The following SLC44A1 variants were observed in gnomAD, a reference collection of about 807,000 sequenced individuals.
SLC44A1 encodes the protein solute carrier family 44 member 1.
In SLC44A1, 26 loss-of-function variants were observed where a neutral mutation model predicts 79.3. The observed-to-expected ratio is 0.33, with a 90% CI of 0.24 to 0.46. The LOEUF is 0.46. Among genes scored for constraint, SLC44A1 ranks in the 20% least tolerant of loss-of-function variants. The pLI, the probability that SLC44A1 is intolerant of heterozygous loss-of-function variation, is 1.00. For missense variants in SLC44A1, 688 were observed against 798.1 expected, an observed-to-expected ratio of 0.86 and a Z score of 1.66; for synonymous variants, 263 against 286.2, an observed-to-expected ratio of 0.92 and a Z score of 0.82.
At chr9:105,334,238 C>T (rs1826840546) in intron 3 of SLC44A1, among the ~76,000 whole-genome samples, 1 of 149,900 alleles carries the variant, frequency 6.7e-6, no homozygotes, top group Admixed American at 6.7e-5. Flanking sequence ...GTCACACACA[C>T]ATTTTTTTTT....
intron 1 of SLC44A1, among the ~76,000 whole-genome samples, chr9:105,273,724 C>T (rs1348318711): frequency 6.6e-6 from 1 of 151,956 alleles, no homozygotes; most frequent in Non-Finnish European, 1.5e-5. Flanking sequence ...CAGTTCATAC[C>T]ATTGTACATA....
chr9:105,312,978 G>T (rs567409478), intron 3 of SLC44A1, among the ~76,000 whole-genome samples: 1 of 152,218 alleles, frequency 6.6e-6, no homozygotes, highest in Admixed American at 6.5e-5. Context: ...AGCCCACTCA[G>T]CCCTGCCCTT....
intron 10 of SLC44A1, among the ~76,000 whole-genome samples, 172 bp from the exon 11 acceptor site, chr9:105,365,311 A>G (rs1827905066): frequency 6.6e-6 from 1 of 152,188 alleles, no homozygotes; most frequent in Non-Finnish European, 1.5e-5. Context: ...TTTATATAGC[A>G]TGTCTGTAGC....
At chr9:105,336,776 G>A (rs1187830172) in intron 4 of SLC44A1, among the ~76,000 whole-genome samples, 3 of 152,194 alleles carry the variant, frequency 2.0e-5, no homozygotes, top group South Asian at 2.1e-4. Flanking sequence ...CAGCCTCCCA[G>A]GCTGGCAGTA....
At chr9:105,431,172 A>G (rs1240900944) in intron 15 of SLC44A1, among the ~76,000 whole-genome samples, 3 of 152,170 alleles carry the variant, frequency 2.0e-5, no homozygotes, top group Admixed American at 1.3e-4. Flanking sequence ...TGAGAGTTGT[A>G]TAGTTTTAGC....
chr9:105,394,989 A>G lies in SLC44A1; in HGVS notation c.*5933A>G. On this transcript the variant is annotated 3_prime_UTR_variant, in exon 16 of 16. Coordinates refer to ENST00000374720, the MANE Select transcript of SLC44A1 (RefSeq NM_080546.5). ...ACTATTAGGTAAGGGTGCTGCATCT[A>G]CATGGAAGGCTCCCTGGGCCCTTGA... The G allele has an allele frequency of 1.0e-6, 1 of 985,460 alleles. No individual in the cohort carries two copies. Among genetic ancestry groups the G allele is most frequent in the Non-Finnish European group, 1.2e-6 (1 of 829,960 alleles). The allele number at this position is 985,460 out of a possible 1,614,324, so 61.0% of individuals were successfully genotyped here.
intron 1 of SLC44A1, among the ~76,000 whole-genome samples, chr9:105,292,251 T>C (rs554698072): frequency 5.3e-5 from 8 of 152,326 alleles, no homozygotes; most frequent in Admixed American, 2.0e-4. Context: ...AGATAGTACT[T>C]AACTCATTGT....
At position 105,362,982 on chromosome 9, in the gene SLC44A1, G is replaced by A. The variant is rs1300489312; in HGVS notation, c.1062G>A (p.Met354Ile). The change falls in exon 9 of 16, where the codon ATG (methionine) becomes ATA (isoleucine). Residue 354 changes from methionine (M) to isoleucine (I), a missense_variant. Met to Ile is a conservative substitution (Grantham distance 10). Coordinates refer to ENST00000374720, the MANE Select transcript of SLC44A1 (RefSeq NM_080546.5). ...TCTTGTTTTGGGTGTACTGGATCAT[G>A]ACACTTCTTTTTCTTGGCACTACCG... ...ALVLFWVYWI[M>I]TLLFLGTTGS... 6 of 1,608,980 alleles carry A rather than the reference G, an allele frequency of 3.7e-6. No individual in the cohort carries two copies. The highest frequency in any genetic ancestry group is 5.1e-6 in the Non-Finnish European group (6 of 1,178,500).
chr9:105,365,735 G>A (rs907937499), intron 11 of SLC44A1, 96 bp downstream of exon 11: 1 of 1,266,188 alleles, frequency 7.9e-7, no homozygotes, highest in African/African-American at 1.5e-5. Context: ...ATACAAAGTT[G>A]TGTTTTCTTC....
At chr9:105,342,988 AT>A (rs1335320739) in intron 4 of SLC44A1, among the ~76,000 whole-genome samples, 99 of 136,058 alleles carry the variant, frequency 7.3e-4, no homozygotes, top group African/African-American at 1.6e-3. Context: ...AAAAAAAAAA[AT>A]ATATATATAT....
chr9:105,360,106 G>A (rs776979172), intron 7 of SLC44A1, among the ~76,000 whole-genome samples: 1 of 152,118 alleles, frequency 6.6e-6, no homozygotes, highest in Non-Finnish European at 1.5e-5. Context: ...TTTCCGCATT[G>A]CTCATTGCAG....
At chr9:105,433,475 C>T (rs1195414725) in intron 15 of SLC44A1, among the ~76,000 whole-genome samples, 1 of 152,264 alleles carries the variant, frequency 6.6e-6, no homozygotes, top group East Asian at 1.9e-4. Flanking sequence ...AGGCAACTGC[C>T]TTTTTTCATG....
chr9:105,401,426 A>G (rs1379947522), downstream of SLC44A1, among the ~76,000 whole-genome samples: 1 of 152,208 alleles, frequency 6.6e-6, no homozygotes. Context: ...AATAGAATAT[A>G]CCTAAAATGA....
intron 1 of SLC44A1, among the ~76,000 whole-genome samples, chr9:105,247,518 A>C (rs1334856185): frequency 6.6e-6 from 1 of 152,100 alleles, no homozygotes; most frequent in Admixed American, 6.5e-5. Context: ...GCTGGTCTCG[A>C]ACTCCTGACC....
intron 12 of SLC44A1, among the ~76,000 whole-genome samples, chr9:105,367,446 G>T (rs1827975787): frequency 6.6e-6 from 1 of 152,166 alleles, no homozygotes; most frequent in South Asian, 2.1e-4. Context: ...GTGTTTGGAA[G>T]CTCATTCTTA....
chr9:105,292,152 T>C (rs1830616023), intron 1 of SLC44A1, among the ~76,000 whole-genome samples: 1 of 152,204 alleles, frequency 6.6e-6, no homozygotes, highest in African/African-American at 2.4e-5. Flanking sequence ...TGCAGTTCTC[T>C]GGCTTAGTCT....
chr9:105,263,393 G>A (rs1380219377), intron 1 of SLC44A1, among the ~76,000 whole-genome samples: 2 of 152,142 alleles, frequency 1.3e-5, no homozygotes, highest in African/African-American at 4.8e-5. Context: ...GTGTTTTAAA[G>A]TTAAACACCT....
chr9:105,419,197 A>G (rs1829212697), intron 15 of SLC44A1, among the ~76,000 whole-genome samples: 2 of 152,218 alleles, frequency 1.3e-5, no homozygotes, highest in Non-Finnish European at 2.9e-5. Flanking sequence ...ACAGAACAGC[A>G]CTAATATAAA....
intron 4 of SLC44A1, among the ~76,000 whole-genome samples, chr9:105,341,611 A>G (rs1827094714): frequency 6.6e-6 from 1 of 152,188 alleles, no homozygotes; most frequent in African/African-American, 2.4e-5. Flanking sequence ...CTATTCATCT[A>G]GGAATATCCA....
Sources: gnomAD v4.1 joint callset for allele counts (sites outside exome capture counted in the v4.1 genomes callset) on GRCh38, gnomAD v4.1.1 for gene constraint, MANE v1.5 for transcripts, NCBI Gene and HGNC (gene_info 2026-07-23, HGNC 2026-07-21) for gene names.